ADGRV1: variants seen among roughly 807,000 people sequenced by gnomAD.
ADGRV1 encodes the protein G-protein coupled receptor 98.
In ADGRV1, 359 loss-of-function variants were observed where a neutral mutation model predicts 596.2. That is an observed-to-expected ratio of 0.60 (90% CI 0.55 to 0.66). The LOEUF (loss-of-function observed/expected upper bound fraction) is 0.66. ADGRV1 is among the 30% of genes least tolerant of loss of function. The pLI is 0.00. For synonymous variants in ADGRV1, 2,681 were observed against 2,679.2 expected (o/e 1.00, Z -0.02); for missense variants, 7,274 against 7,575.6 (o/e 0.96, Z 1.48).
chr5:91,139,825 C>A (rs1562269174), intron 87 of ADGRV1, among the ~76,000 whole-genome samples: 1 of 152,122 alleles, frequency 6.6e-6, no homozygotes, highest in Non-Finnish European at 1.5e-5. Flanking sequence ...CTGAAATGAA[C>A]AAATGCCTCT....
chr5:91,055,558 T>C (rs538124787), intron 85 of ADGRV1, among the ~76,000 whole-genome samples: 2 of 152,326 alleles, frequency 1.3e-5, no homozygotes, highest in African/African-American at 4.8e-5. Flanking sequence ...GACAGGTAAT[T>C]TCTTTCACCC....
chr5:90,587,578 A>C (rs154561), intron 1 of ADGRV1, among the ~76,000 whole-genome samples: 1 of 136,306 alleles, frequency 7.3e-6, no homozygotes, highest in East Asian at 2.0e-4. Flanking sequence ...TTTTTTTTAA[A>C]TGGAGTCTTG....
intron 18 of ADGRV1, among the ~76,000 whole-genome samples, chr5:90,652,004 A>G (rs1768700534): frequency 6.6e-6 from 1 of 151,644 alleles, no homozygotes; most frequent in Admixed American, 6.6e-5. Context: ...ATTATTCAAG[A>G]TCTTCAGGAA....
chr5:91,101,834 G>T (rs1347324836), intron 86 of ADGRV1, among the ~76,000 whole-genome samples: 1 of 152,084 alleles, frequency 6.6e-6, no homozygotes, highest in Non-Finnish European at 1.5e-5. Flanking sequence ...TATAATTTCT[G>T]TTCTTAAGTG....
At chr5:90,690,468 G>A (rs114172556) in intron 30 of ADGRV1, among the ~76,000 whole-genome samples, 2 of 152,162 alleles carry the variant, frequency 1.3e-5, no homozygotes. Context: ...CATAACATCA[G>A]TCATGGGAAC....
intron 32 of ADGRV1, 140 bp from the exon 33 acceptor site, chr5:90,693,750 A>T: frequency 1.8e-6 from 1 of 549,168 alleles, no homozygotes; most frequent in Non-Finnish European, 3.0e-6. Context: ...GACAAGTGTA[A>T]TTAAGAAACA....
intron 81 of ADGRV1, among the ~76,000 whole-genome samples, chr5:90,854,999 C>A (rs887866012): frequency 3.9e-5 from 6 of 152,054 alleles, no homozygotes; most frequent in Non-Finnish European, 7.4e-5. Flanking sequence ...ACTCTGAAAT[C>A]TTCAATATAT....
intron 77 of ADGRV1, among the ~76,000 whole-genome samples, chr5:90,836,289 A>T (rs1166147013): frequency 6.6e-6 from 1 of 152,230 alleles, no homozygotes; most frequent in Non-Finnish European, 1.5e-5. Context: ...ATGAACATTT[A>T]TAGTAGCTTA....
Position 90,895,726 on chromosome 5 carries a change from T to C in ADGRV1, c.17856+31869T>C, listed in dbSNP as rs369601155. Reference sequence around the variant, plus strand: ...TGGCTACTTAAGAGTTGAAATAGCTTCTAATTTGCTGGTAATAGTTTTAAC... The same window carrying C: ...TGGCTACTTAAGAGTTGAAATAGCTCCTAATTTGCTGGTAATAGTTTTAAC... On this transcript the variant is annotated intron_variant, in intron 83 of 89. Coordinates refer to ENST00000405460, the MANE Select transcript of ADGRV1 (RefSeq NM_032119.4). Among the ~76,000 whole-genome samples the C allele has an allele frequency of 2.9e-4, 44 of 152,298 alleles. 1 individual carries two copies. In the South Asian group the frequency reaches 8.9e-3, roughly 31 times the overall value.
intron 21 of ADGRV1, among the ~76,000 whole-genome samples, chr5:90,664,496 G>C (rs1157794092): frequency 6.8e-6 from 1 of 147,818 alleles, no homozygotes; most frequent in Non-Finnish European, 1.5e-5. Flanking sequence ...TTGCTTATCA[G>C]CTTAAGGAGA....
intron 7 of ADGRV1, 28 bp downstream of exon 7, chr5:90,627,804 C>T: frequency 7.8e-7 from 1 of 1,288,284 alleles, no homozygotes; most frequent in Non-Finnish European, 1.0e-6. Flanking sequence ...TATATTGCTA[C>T]CATTATTTTA....
At chr5:91,003,156 A>G (rs747357022) in intron 85 of ADGRV1, among the ~76,000 whole-genome samples, 1 of 152,118 alleles carries the variant, frequency 6.6e-6, no homozygotes, top group Non-Finnish European at 1.5e-5. Flanking sequence ...GGACTGGTTG[A>G]AGGGATGGAC....
chr5:91,014,393 A>G (rs1299084895), intron 85 of ADGRV1, among the ~76,000 whole-genome samples: 2 of 152,056 alleles, frequency 1.3e-5, no homozygotes, highest in East Asian at 3.9e-4. Flanking sequence ...GCCTCATAGC[A>G]TGAGTTGGAG....
chr5:90,632,117 A>G (rs991275457), intron 9 of ADGRV1, among the ~76,000 whole-genome samples: 77 of 152,124 alleles, frequency 5.1e-4, no homozygotes, highest in African/African-American at 1.8e-3. Context: ...GAACATTCCC[A>G]TAAGTATATG....
intron 86 of ADGRV1, among the ~76,000 whole-genome samples, chr5:91,098,523 C>T (rs776247659): frequency 4.6e-5 from 7 of 152,224 alleles, no homozygotes; most frequent in Non-Finnish European, 7.3e-5. Context: ...GGATATGCCT[C>T]TGGATATGTT....
intron 85 of ADGRV1, among the ~76,000 whole-genome samples, chr5:91,055,700 A>G (rs1180261416): frequency 6.6e-6 from 1 of 152,180 alleles, no homozygotes; most frequent in Non-Finnish European, 1.5e-5. Context: ...TCACTTCAGA[A>G]TGACCCAGAC....
chr5:90,823,617 C>T (rs993165320), intron 76 of ADGRV1, 21 bp downstream of exon 76: 1 of 1,577,222 alleles, frequency 6.3e-7, no homozygotes, highest in South Asian at 1.1e-5. Context: ...AAGAGACACA[C>T]TAGTGTCAAC....
At chr5:91,014,114 T>C (rs1420105233) in intron 85 of ADGRV1, among the ~76,000 whole-genome samples, 2 of 84,056 alleles carry the variant, frequency 2.4e-5, no homozygotes, top group Non-Finnish European at 4.7e-5. Flanking sequence ...TGTAGCCTCA[T>C]AGGCAATCCC....
intron 85 of ADGRV1, among the ~76,000 whole-genome samples, chr5:91,041,493 G>A: frequency 6.6e-6 from 1 of 151,966 alleles, no homozygotes; most frequent in East Asian, 1.9e-4. Context: ...TCGAGGGGTG[G>A]GGAGCTAGGG....
Sources: gnomAD v4.1 joint callset for allele counts (sites outside exome capture counted in the v4.1 genomes callset) on GRCh38, gnomAD v4.1.1 for gene constraint, MANE v1.5 for transcripts, NCBI Gene and HGNC (gene_info 2026-07-23, HGNC 2026-07-21) for gene names.